Variants in CMYA5 observed in about 807,000 individuals in gnomAD.
The protein encoded by CMYA5 is cardiomyopathy-associated protein 5.
In CMYA5, 246 loss-of-function variants were observed where a neutral mutation model predicts 318.9. That is an observed-to-expected ratio of 0.77 (90% CI 0.70 to 0.86). The LOEUF (loss-of-function observed/expected upper bound fraction) is 0.86. Among genes scored for constraint, CMYA5 ranks in the 40% least tolerant of loss-of-function variants. CMYA5 has a pLI of 0.00. For missense variants in CMYA5, 4,589 were observed against 4,678.2 expected, an observed-to-expected ratio of 0.98 and a Z score of 0.56; for synonymous variants, 1,641 against 1,729.5, an observed-to-expected ratio of 0.95 and a Z score of 1.27.
chr5:79,774,050 T>A (rs992250744), intron 9 of CMYA5, among the ~76,000 whole-genome samples: 2 of 152,188 alleles, frequency 1.3e-5, no homozygotes. Context: ...CTGCAGTCCT[T>A]CCCCAGGTAT....
chr5:79,700,564 AAAG>A (rs1827155093), intron 1 of CMYA5, among the ~76,000 whole-genome samples: 1 of 152,252 alleles, frequency 6.6e-6, no homozygotes. Flanking sequence ...GAAGTTCTCT[AAAG>A]AAAATATACA....
At position 79,790,224 on chromosome 5, in the gene CMYA5, G is replaced by T. The variant is rs543523801; in HGVS notation, c.11690-746G>T. 2.4e-4 allele frequency among the ~76,000 whole-genome samples: 36 copies of T among 152,226 alleles called. 1 individual carries two copies. The highest frequency in any genetic ancestry group is 4.6e-4 in the Non-Finnish European group (31 of 68,014). ...TCCCCACAGTCCCAATATGGTGCCT[G>T]TCCTTCCATTGTTAGAGTCTCTCCT... On this transcript the variant is annotated intron_variant, in intron 10 of 12. Coordinates refer to ENST00000446378, the MANE Select transcript of CMYA5 (RefSeq NM_153610.5).
chr5:79,796,324 A>G (rs1395713890), intron 12 of CMYA5, among the ~76,000 whole-genome samples: 1 of 149,496 alleles, frequency 6.7e-6, no homozygotes, highest in Non-Finnish European at 1.5e-5. Flanking sequence ...TTTAACTTTA[A>G]TTTTTTTTTT....
Position 79,758,946 on chromosome 5 carries a change from C to T in CMYA5, c.11260+44C>T, listed in dbSNP as rs377608281. On this transcript the variant is annotated intron_variant, in intron 7 of 12. Coordinates refer to ENST00000446378, the MANE Select transcript of CMYA5 (RefSeq NM_153610.5). ...ATACAAATGCATATGCATATTCATG[C>T]ATCTTCATGTGAAGTATTTAAATAT... 32 of 1,448,882 alleles carry T rather than the reference C, an allele frequency of 2.2e-5. No individual in the cohort carries two copies. In the African/African-American group the frequency reaches 3.4e-4, roughly 15 times the overall value. 89.8% of individuals were successfully genotyped at this position (1,448,882 alleles called of 1,614,324 possible). A position where few individuals can be genotyped will look rare whatever the true frequency, so the allele number is the denominator to read the frequency against.
chr5:79,729,115 C>T lies in CMYA5; in HGVS notation c.350C>T (p.Pro117Leu), dbSNP rs1458429342. Reference sequence around the variant, plus strand: ...CGGGAAGGGTCAACTGTGAATTCTCCTCCTGGAAATGTTTCCTTTATTGTG... The same window carrying T: ...CGGGAAGGGTCAACTGTGAATTCTCTTCCTGGAAATGTTTCCTTTATTGTG... ...CSREGSTVNS[P>L]PGNVSFIVDE... is the part of the protein sequence containing the mutation. The change falls in exon 2 of 13, where the codon CCT becomes CTT. Residue 117 changes from proline to leucine, a missense_variant. Coordinates refer to ENST00000446378, the MANE Select transcript of CMYA5 (RefSeq NM_153610.5). 6.2e-7 allele frequency: 1 copy of T among 1,613,166 alleles called. No homozygotes were observed. Among genetic ancestry groups the T allele is most frequent in the Non-Finnish European group, 8.5e-7 (1 of 1,179,646 alleles).
intron 2 of CMYA5, among the ~76,000 whole-genome samples, chr5:79,742,174 CTCT>C (rs761188554): frequency 4.9e-5 from 7 of 142,160 alleles, no homozygotes; most frequent in African/African-American, 7.8e-5. Context: ...CCTCCTCCTC[CTCT>C]TCTTCTTCTT....
At chr5:79,791,401 CA>C (rs1315699664) in intron 11 of CMYA5, among the ~76,000 whole-genome samples, 1 of 151,934 alleles carries the variant, frequency 6.6e-6, no homozygotes, top group African/African-American at 2.4e-5. Context: ...TATAGCAAAC[CA>C]GATATTTTAT....
chr5:79,740,159 C>T (rs2151089040), intron 2 of CMYA5, among the ~76,000 whole-genome samples: 1 of 152,090 alleles, frequency 6.6e-6, no homozygotes, highest in Middle Eastern at 3.4e-3. Flanking sequence ...AATACTATGC[C>T]ATTTTATATC....
intron 9 of CMYA5, among the ~76,000 whole-genome samples, chr5:79,771,135 C>G (rs991252359): frequency 6.6e-5 from 10 of 151,382 alleles, no homozygotes; most frequent in African/African-American, 2.4e-4. Context: ...AGCCCAAGTA[C>G]TTTAGGTATG....
At chr5:79,695,961 C>G (rs1248091986) in intron 1 of CMYA5, among the ~76,000 whole-genome samples, 1 of 152,172 alleles carries the variant, frequency 6.6e-6, no homozygotes, top group Non-Finnish European at 1.5e-5. Context: ...AGAATCATCT[C>G]AGGATTTTTT....
At chr5:79,690,419 T>A (rs920396978) in intron 1 of CMYA5, among the ~76,000 whole-genome samples, 10 of 151,708 alleles carry the variant, frequency 6.6e-5, no homozygotes, top group African/African-American at 2.4e-4. Context: ...GGGGGTGGGG[T>A]GGAGGCGGTG....
At chr5:79,696,894 C>T (rs1321005272) in intron 1 of CMYA5, among the ~76,000 whole-genome samples, 3 of 152,020 alleles carry the variant, frequency 2.0e-5, no homozygotes, top group African/African-American at 7.3e-5. Flanking sequence ...GTAATCCCAG[C>T]TACTTGGGAG....
In CMYA5 at chr5:79,735,562, C is replaced by G. The variant is rs1191244627; in HGVS notation, c.6797C>G (p.Ser2266Cys). 2 of 1,613,158 alleles carry G rather than the reference C, an allele frequency of 1.2e-6. No individual in the cohort carries two copies. Among genetic ancestry groups the G allele is most frequent in the Non-Finnish European group, 1.7e-6 (2 of 1,179,676 alleles). The stretch of plus-strand genomic sequence containing the variant: ...GACGGTCAAAACGTTAAAGAAAAAT[C>G]CATGATTTTATCAAATGTAGAAGAT... ...SGDGQNVKEKSMILSNVEDLQ... is the reference protein window; with the variant it reads ...SGDGQNVKEKCMILSNVEDLQ... Residue 2266 changes from serine to cysteine, a missense_variant, in exon 2 of 13, where the codon TCC becomes TGC. Physicochemically the swap from Ser to Cys is moderately radical, Grantham distance 112 (BLOSUM62 -1). Transcript: ENST00000446378.
chr5:79,744,160 C>T (rs73773431), intron 3 of CMYA5, among the ~76,000 whole-genome samples: 1,955 of 152,334 alleles, frequency 0.013, 32 homozygotes, highest in African/African-American at 0.044. Flanking sequence ...CATTTATTAA[C>T]ACTTACTATA....
intron 2 of CMYA5, among the ~76,000 whole-genome samples, chr5:79,740,232 T>C (rs1828184710): frequency 6.6e-6 from 1 of 152,308 alleles, no homozygotes; most frequent in Admixed American, 6.5e-5. Context: ...CCTCTGCAGA[T>C]ATTGAAGACA....
chr5:79,756,603 T>G lies in CMYA5; in HGVS notation c.11111-2150T>G, dbSNP rs16877174. On this transcript the variant is annotated intron_variant, in intron 6 of 12. Transcript: ENST00000446378. ...GCCAGCCACTCTGCATTGAAGTCCA[T>G]GAACTTGACCCTTCTCCTCTTCTGC... 6.8e-3 allele frequency among the ~76,000 whole-genome samples: 1,030 copies of G among 152,330 alleles called. 18 individuals are homozygous for G. In the South Asian group the frequency reaches 0.074, roughly 11 times the overall value.
chr5:79,733,834 C>CA lies in CMYA5; in HGVS notation c.5070dup (p.Ser1691IlefsTer15). On this transcript the variant is annotated frameshift_variant, in exon 2 of 13. Coordinates refer to ENST00000446378, the MANE Select transcript of CMYA5 (RefSeq NM_153610.5). LOFTEE classifies it high-confidence loss of function. ...AAAGAAGAAAATAGAGAGCTTTGTG[C>CA]ATCTTCTACGATGCCTGCAATTTCA... is the stretch of plus-strand genomic sequence containing the variant. 6.2e-7 allele frequency: 1 copy of CA among 1,613,676 alleles called. No homozygotes were observed. The highest frequency in any genetic ancestry group is 8.5e-7 in the Non-Finnish European group (1 of 1,179,806).
Position 79,739,075 on chromosome 5 carries a change from T to C in CMYA5, c.10310T>C (p.Leu3437Ser). Residue 3437 changes from leucine (L) to serine (S), a missense_variant, in exon 2 of 13, where the codon TTA (leucine) becomes TCA (serine). Transcript: ENST00000446378. ...LHNEVVPQDI[L>S]SEELSSESTP... ...AATGAAGTGGTTCCTCAAGACATATTATCAGAAGAACTGTCTTCAGAATCC... is the reference window on the plus strand; with the variant it reads ...AATGAAGTGGTTCCTCAAGACATATCATCAGAAGAACTGTCTTCAGAATCC... 1 of 1,613,832 alleles carries C rather than the reference T, an allele frequency of 6.2e-7. No individual in the cohort carries two copies. The highest frequency in any genetic ancestry group is 8.5e-7 in the Non-Finnish European group (1 of 1,179,816).
intron 1 of CMYA5, among the ~76,000 whole-genome samples, chr5:79,715,628 GGTGA>G (rs1198905859): frequency 6.6e-6 from 1 of 152,076 alleles, no homozygotes; most frequent in African/African-American, 2.4e-5. Context: ...CTAGACGCCT[GGTGA>G]GTGTCAGAGC....
Sources: gnomAD v4.1 joint callset for allele counts (sites outside exome capture counted in the v4.1 genomes callset) on GRCh38, gnomAD v4.1.1 for gene constraint, MANE v1.5 for transcripts, NCBI Gene and HGNC (gene_info 2026-07-23, HGNC 2026-07-21) for gene names.